MAN2B2: variants seen among roughly 807,000 people sequenced by gnomAD.
The protein encoded by MAN2B2 is mannosidase alpha class 2B member 2.
Under a neutral mutation model 117.1 loss-of-function variants are expected in MAN2B2, and 106 were observed. That is an observed-to-expected ratio of 0.90 (90% CI 0.77 to 1.06). MAN2B2 has a LOEUF of 1.06. Ranked by LOEUF, MAN2B2 falls within the 50% of genes least tolerant of loss-of-function variation. The pLI is 0.00. For synonymous variants in MAN2B2, 544 were observed against 595.1 expected (o/e 0.91, Z 1.25); for missense variants, 1,326 against 1,381.4 (o/e 0.96, Z 0.64).
chr4:6,598,116 C>A, intron 8 of MAN2B2, 82 bp from the exon 9 acceptor site: 2 of 1,470,838 alleles, frequency 1.4e-6, no homozygotes, highest in Non-Finnish European at 9.3e-7. Context: ...GAATGAGAGC[C>A]AGCGCCTAGT....
chr4:6,585,762 C>G (rs1440967089), intron 3 of MAN2B2, among the ~76,000 whole-genome samples: 3 of 152,174 alleles, frequency 2.0e-5, no homozygotes, highest in African/African-American at 7.2e-5. Flanking sequence ...TGGACTGGGG[C>G]TGGAGGGTCT....
intron 6 of MAN2B2, among the ~76,000 whole-genome samples, chr4:6,593,664 G>A (rs568246108): frequency 3.9e-5 from 6 of 152,364 alleles, no homozygotes; most frequent in African/African-American, 1.4e-4. Flanking sequence ...TGCCTCCGCT[G>A]TAAAATGGGG....
chr4:6,579,007 C>G (rs1726182982), intron 3 of MAN2B2, among the ~76,000 whole-genome samples: 1 of 142,278 alleles, frequency 7.0e-6, no homozygotes, highest in Admixed American at 7.1e-5. Flanking sequence ...CTACCATCAC[C>G]ACCACCACCA....
chr4:6,612,906 T>A (rs1197282499), intron 15 of MAN2B2, among the ~76,000 whole-genome samples: 2 of 152,246 alleles, frequency 1.3e-5, no homozygotes, highest in Non-Finnish European at 2.9e-5. Context: ...CCTCAGGGCC[T>A]GGAGCCCTCG....
intron 3 of MAN2B2, among the ~76,000 whole-genome samples, chr4:6,580,869 T>C (rs998975136): frequency 1.3e-5 from 2 of 152,168 alleles, no homozygotes; most frequent in Admixed American, 6.5e-5. Flanking sequence ...ACCCCAGCGC[T>C]GACCCTGCAG....
intron 5 of MAN2B2, 39 bp downstream of exon 5, chr4:6,589,199 G>GAT: frequency 2.0e-6 from 3 of 1,467,952 alleles, no homozygotes; most frequent in Non-Finnish European, 2.9e-6. Flanking sequence ...ATCTCAGACA[G>GAT]CAGGGTCTGC....
chr4:6,616,231 G>C (rs1205286710), intron 16 of MAN2B2, among the ~76,000 whole-genome samples: 1 of 152,158 alleles, frequency 6.6e-6, no homozygotes, highest in African/African-American at 2.4e-5. Context: ...TGTTAACCAG[G>C]TCCTCTCTCC....
intron 10 of MAN2B2, 25 bp from the exon 11 acceptor site, chr4:6,605,030 A>C (rs1432284882): frequency 1.3e-6 from 2 of 1,597,630 alleles, no homozygotes. Flanking sequence ...GACAGTTAAC[A>C]AGTCTCATCC....
chr4:6,610,610 G>T lies in MAN2B2; in HGVS notation c.2260-270G>T, dbSNP rs541105173. Among the ~76,000 whole-genome samples, 45 of 152,346 alleles carry T rather than the reference G, an allele frequency of 3.0e-4. 1 individual carries two copies. The highest frequency in any genetic ancestry group is 4.3e-4 in the Non-Finnish European group (29 of 68,042). ...CCTCGGTTTCCTCTCCTGTAAAATG[G>T]CTCCTTCATCAAAGGGTCATTCTGA... is the stretch of plus-strand genomic sequence containing the variant. On this transcript the variant is annotated intron_variant, in intron 13 of 18. Transcript: ENST00000285599.
intron 3 of MAN2B2, among the ~76,000 whole-genome samples, chr4:6,584,078 C>T (rs1025992217): frequency 6.6e-6 from 1 of 152,204 alleles, no homozygotes; most frequent in Non-Finnish European, 1.5e-5. Flanking sequence ...TCAGGAAATG[C>T]CCTCTCCCTA....
At chr4:6,598,070 G>A in intron 8 of MAN2B2, 128 bp from the exon 9 acceptor site, 1 of 998,732 alleles carries the variant, frequency 1.0e-6, no homozygotes, top group Non-Finnish European at 1.5e-6. Context: ...AAAATGGCGG[G>A]GACTGCCCCC....
intron 2 of MAN2B2, among the ~76,000 whole-genome samples, chr4:6,577,887 G>A (rs1166540556): frequency 6.6e-6 from 1 of 152,196 alleles, no homozygotes; most frequent in Non-Finnish European, 1.5e-5. Flanking sequence ...TTGTGTAGTA[G>A]GTGCTCACTT....
intron 15 of MAN2B2, among the ~76,000 whole-genome samples, chr4:6,611,954 T>C (rs1330129621): frequency 6.6e-6 from 1 of 152,198 alleles, no homozygotes; most frequent in African/African-American, 2.4e-5. Flanking sequence ...CTCTATAAAG[T>C]AGCAGAACAT....
chr4:6,610,795 C>A, intron 13 of MAN2B2, 85 bp from the exon 14 acceptor site: 1 of 1,139,570 alleles, frequency 8.8e-7, no homozygotes, highest in Non-Finnish European at 1.3e-6. Context: ...CTATGGGGAG[C>A]ACCAGCTGGG....
chr4:6,611,210 C>G lies in MAN2B2; in HGVS notation c.2495C>G (p.Thr832Ser). The change falls in exon 15 of 19, where the codon ACT becomes AGT. Residue 832 changes from threonine (T) to serine (S), a missense_variant. By Grantham distance (58) the Thr-to-Ser change is moderately conservative. Transcript: ENST00000285599. ...WLLLGSWSLT[T>S]ALRQRSALAL... ...CTGCTGGGATCCTGGTCCCTCACCA[C>G]TGCCCTGCGCCAGAGGAGCGCACTG... 6.2e-7 allele frequency: 1 copy of G among 1,613,864 alleles called. No homozygotes were observed. Among genetic ancestry groups the G allele is most frequent in the South Asian group, 1.1e-5 (1 of 91,088 alleles).
At chr4:6,587,463 C>A (rs1376410599) in intron 4 of MAN2B2, among the ~76,000 whole-genome samples, 1 of 152,114 alleles carries the variant, frequency 6.6e-6, no homozygotes, top group Non-Finnish European at 1.5e-5. Context: ...TTTCTTTAGG[C>A]CCCTCACAGG....
intron 10 of MAN2B2, among the ~76,000 whole-genome samples, chr4:6,603,209 A>G (rs1481176327): frequency 6.6e-6 from 1 of 152,264 alleles, no homozygotes; most frequent in African/African-American, 2.4e-5. Context: ...GACACCCCAC[A>G]TGGGTCAGGC....
At chr4:6,579,120 C>T (rs927855398) in intron 3 of MAN2B2, among the ~76,000 whole-genome samples, 1 of 43,710 alleles carries the variant, frequency 2.3e-5, no homozygotes. Flanking sequence ...ATCACCATCA[C>T]CACTACCACC....
chr4:6,614,017 A>G (rs1422913947), intron 15 of MAN2B2, among the ~76,000 whole-genome samples: 2 of 152,144 alleles, frequency 1.3e-5, no homozygotes, highest in African/African-American at 4.8e-5. Context: ...CTTAAGCTCT[A>G]TGGTCTGAGC....
Sources: gnomAD v4.1 joint callset for allele counts (sites outside exome capture counted in the v4.1 genomes callset) on GRCh38, gnomAD v4.1.1 for gene constraint, MANE v1.5 for transcripts, NCBI Gene and HGNC (gene_info 2026-07-23, HGNC 2026-07-21) for gene names.